PCDH9: variants seen among roughly 807,000 people sequenced by gnomAD.
The protein encoded by PCDH9 is protocadherin 9.
Under a neutral mutation model 70.6 loss-of-function variants are expected in PCDH9, and 24 were observed. That is an observed-to-expected ratio of 0.34 (90% CI 0.25 to 0.48). The LOEUF is 0.48. Among genes scored for constraint, PCDH9 ranks in the 20% least tolerant of loss-of-function variants. The probability of loss-of-function intolerance (pLI) is 0.99; values close to 1 mark genes in which losing one functional copy is unlikely to be tolerated. For synonymous variants in PCDH9, 562 were observed against 558.5 expected (o/e 1.01, Z -0.09); for missense variants, 1,281 against 1,503.6 (o/e 0.85, Z 2.45).
chr13:66,354,768 T>C (rs1956351301), intron 4 of PCDH9, among the ~76,000 whole-genome samples: 1 of 152,170 alleles, frequency 6.6e-6, no homozygotes, highest in Non-Finnish European at 1.5e-5. Flanking sequence ...ATTGCTTGCC[T>C]CTCCATATTT....
At chr13:66,481,301 T>TA (rs35064904) in intron 4 of PCDH9, among the ~76,000 whole-genome samples, 46,277 of 138,614 alleles carry the variant, frequency 0.33, 7,560 homozygotes, top group African/African-American at 0.38. Context: ...CTTAAAGTAT[T>TA]AAAAAAAAAA....
chr13:66,781,117 A>G (rs1355584213), intron 3 of PCDH9, among the ~76,000 whole-genome samples: 2 of 152,310 alleles, frequency 1.3e-5, no homozygotes, highest in African/African-American at 2.4e-5. Context: ...CTTTTCCTGT[A>G]AAGGAATAAT....
At chr13:67,148,405 C>T (rs1004272141) in intron 2 of PCDH9, among the ~76,000 whole-genome samples, 12 of 151,680 alleles carry the variant, frequency 7.9e-5, no homozygotes, top group Non-Finnish European at 1.8e-4. Flanking sequence ...ACTGGTTCCT[C>T]TCCTAGGTAA....
At chr13:67,106,372 T>A (rs59521131) in intron 2 of PCDH9, among the ~76,000 whole-genome samples, 3,734 of 152,292 alleles carry the variant, frequency 0.025, 124 homozygotes, top group South Asian at 0.07. Flanking sequence ...TGTAAGATAT[T>A]CAAGGTTATC....
chr13:66,944,817 C>CTGTGTGTGTGTGTGTGTGTGTG (rs67182136), intron 2 of PCDH9, among the ~76,000 whole-genome samples: 3 of 135,448 alleles, frequency 2.2e-5, no homozygotes, highest in African/African-American at 8.5e-5. Context: ...CTAATCGTCT[C>CTGTGTGTGTGTGTGTGTGTGTG]TGTGTGTGTG....
chr13:66,767,275 A>G (rs1043278776), intron 3 of PCDH9, among the ~76,000 whole-genome samples: 1 of 152,104 alleles, frequency 6.6e-6, no homozygotes, highest in Non-Finnish European at 1.5e-5. Flanking sequence ...GAGAATGTAG[A>G]TGTGTTATAT....
At chr13:66,355,790 T>C (rs1393117832) in intron 4 of PCDH9, among the ~76,000 whole-genome samples, 1 of 152,126 alleles carries the variant, frequency 6.6e-6, no homozygotes, top group African/African-American at 2.4e-5. Flanking sequence ...GGAGAAATGA[T>C]TCAGTATTGG....
chr13:66,725,616 C>T (rs2078996342), intron 3 of PCDH9, among the ~76,000 whole-genome samples: 1 of 152,096 alleles, frequency 6.6e-6, no homozygotes, highest in South Asian at 2.1e-4. Context: ...TTAAAGGATA[C>T]ATTTCAAAAG....
intron 4 of PCDH9, among the ~76,000 whole-genome samples, chr13:66,617,997 A>T (rs2077379302): frequency 6.6e-6 from 1 of 152,146 alleles, no homozygotes; most frequent in Non-Finnish European, 1.5e-5. Flanking sequence ...CAGCCTGCGC[A>T]CTGAGTTGGA....
intron 4 of PCDH9, among the ~76,000 whole-genome samples, chr13:66,579,502 T>C (rs1268275849): frequency 6.6e-6 from 1 of 151,926 alleles, no homozygotes; most frequent in African/African-American, 2.4e-5. Context: ...GGTAGAAAAA[T>C]GGATTTTCGA....
At chr13:67,110,553 A>G (rs1594525442) in intron 2 of PCDH9, among the ~76,000 whole-genome samples, 2 of 151,692 alleles carry the variant, frequency 1.3e-5, no homozygotes, top group African/African-American at 2.4e-5. Context: ...TACAGAAAAG[A>G]CACAACTACA....
At chr13:66,627,922 C>T (rs1220654186) in intron 4 of PCDH9, among the ~76,000 whole-genome samples, 2 of 152,192 alleles carry the variant, frequency 1.3e-5, no homozygotes, top group African/African-American at 4.8e-5. Context: ...AGGTCGAAGT[C>T]ACTGGGTAAA....
At chr13:66,535,340 T>A (rs1435165349) in intron 4 of PCDH9, among the ~76,000 whole-genome samples, 1 of 152,016 alleles carries the variant, frequency 6.6e-6, no homozygotes, top group Non-Finnish European at 1.5e-5. Context: ...CAATATGAAA[T>A]TTTTTAAAAA....
chr13:66,599,947 T>C (rs531408759), intron 4 of PCDH9, among the ~76,000 whole-genome samples: 8 of 152,026 alleles, frequency 5.3e-5, no homozygotes, highest in Non-Finnish European at 1.0e-4. Context: ...TGTTTAATAA[T>C]GATGATCTTC....
rs2084726796 is a variant in PCDH9, at chr13:67,023,816, A to G, written c.3037-120211T>C. On this transcript the variant is annotated intron_variant, in intron 2 of 4. Coordinates refer to ENST00000377865, the MANE Select transcript of PCDH9 (RefSeq NM_203487.3). ...AAACACTTAAAAACAAAGTAAGTTG[A>G]ACTGAAAAGAATAAAACTTAAATAC... 4.6e-5 allele frequency among the ~76,000 whole-genome samples: 7 copies of G among 152,340 alleles called. No homozygotes were observed. In the South Asian group the frequency reaches 8.3e-4, roughly 18 times the overall value.
chr13:66,925,307 T>A (rs1683955323), intron 2 of PCDH9, among the ~76,000 whole-genome samples: 1 of 125,304 alleles, frequency 8.0e-6, no homozygotes. Flanking sequence ...ATGTTCAGCA[T>A]CCTAAAAACC....
At chr13:66,776,809 C>G (rs1205203734) in intron 3 of PCDH9, among the ~76,000 whole-genome samples, 3 of 143,220 alleles carry the variant, frequency 2.1e-5, no homozygotes, top group African/African-American at 5.1e-5. Context: ...CAAAAAAGAG[C>G]CCGCATCACC....
chr13:66,546,558 T>A (rs898796571), intron 4 of PCDH9, among the ~76,000 whole-genome samples: 9 of 152,212 alleles, frequency 5.9e-5, no homozygotes, highest in Admixed American at 5.2e-4. Context: ...TAAAAAAGAT[T>A]GAAAGTTTAT....
intron 2 of PCDH9, chr13:67,224,247 T>C (rs908046297): frequency 3.3e-5 from 5 of 152,188 alleles, no homozygotes; most frequent in Admixed American, 2.0e-4. Flanking sequence ...TCCTAGAAAG[T>C]TGGTGTGCTG....
Sources: allele counts gnomAD v4.1 joint callset (sites outside exome capture counted in the v4.1 genomes callset), GRCh38; gene constraint gnomAD v4.1.1; transcripts MANE v1.5; gene names NCBI Gene and HGNC (gene_info 2026-07-23, HGNC 2026-07-21).